Variants in NBEA observed in about 807,000 individuals in gnomAD.
The protein encoded by NBEA is lysosomal-trafficking regulator 2.
A neutral mutation model predicts 343.4 loss-of-function variants in NBEA; 44 were observed. That is an observed-to-expected ratio of 0.13 (90% CI 0.10 to 0.16). NBEA has a LOEUF of 0.16. Ranked by LOEUF, NBEA falls within the 10% of genes least tolerant of loss-of-function variation. The pLI, the probability that NBEA is intolerant of heterozygous loss-of-function variation, is 1.00. For synonymous variants in NBEA, 1,175 were observed against 1,238.7 expected, an observed-to-expected ratio of 0.95 and a Z score of 1.08; for missense variants, 2,555 against 3,631.3, an observed-to-expected ratio of 0.70 and a Z score of 7.62.
chr13:35,244,636 T>G (rs2030898460), intron 34 of NBEA, among the ~76,000 whole-genome samples: 1 of 152,096 alleles, frequency 6.6e-6, no homozygotes. Context: ...GATTGTTTTT[T>G]CTAGTTCCGT....
rs140114697 is a variant in NBEA at position 35,487,271 on chromosome 13, T to G, written c.6585+14735T>G. On this transcript the variant is annotated intron_variant, in intron 41 of 58. Coordinates refer to ENST00000379939, the MANE Select transcript of NBEA (RefSeq NM_001385012.1). ...ATATTATTATATAAAGACTATTTTA[T>G]GTACTGATTAGTAGAATTATATTAG... Among the ~76,000 whole-genome samples, 345 of 152,098 alleles carry G rather than the reference T, an allele frequency of 2.3e-3. 2 individuals carry two copies. The highest frequency in any genetic ancestry group is 5.1e-3 in the African/African-American group (212 of 41,528).
intron 11 of NBEA, among the ~76,000 whole-genome samples, chr13:35,106,223 T>C (rs1443124353): frequency 6.6e-6 from 1 of 151,992 alleles, no homozygotes; most frequent in Non-Finnish European, 1.5e-5. Context: ...TACAGATTTA[T>C]AACTATAAAT....
intron 33 of NBEA, among the ~76,000 whole-genome samples, chr13:35,217,764 T>A (rs1049910466): frequency 6.6e-6 from 1 of 152,074 alleles, no homozygotes; most frequent in African/African-American, 2.4e-5. Flanking sequence ...TTTAATGAGA[T>A]CTCTCCTTTC....
chr13:35,232,570 C>T lies in NBEA; in HGVS notation c.5727C>T (p.Phe1909=). The T allele has an allele frequency of 1.3e-6, 2 of 1,557,918 alleles. No homozygotes were observed. Among genetic ancestry groups the T allele is most frequent in the Non-Finnish European group, 1.7e-6 (2 of 1,148,460 alleles). Residue 1909 remains phenylalanine, a synonymous_variant, in exon 34 of 59, where the codon TTC becomes TTT. Coordinates refer to ENST00000379939, the MANE Select transcript of NBEA (RefSeq NM_001385012.1). ...LREIFVDFAP[F]LSRTLLGSHG... is the part of the protein sequence containing the mutation. ...AAATTTTTGTAGACTTTGCCCCATT[C>T]CTATCTCGTACACTTCTTGGCAGTC... is the stretch of plus-strand genomic sequence containing the variant.
intron 5 of NBEA, among the ~76,000 whole-genome samples, chr13:35,049,007 A>G (rs2062965943): frequency 2.0e-5 from 3 of 151,866 alleles, no homozygotes; most frequent in Admixed American, 2.0e-4. Flanking sequence ...CCTGAAAAAA[A>G]TTCCAAACTT....
chr13:35,465,957 A>T lies in NBEA; in HGVS notation c.6449-6443A>T, dbSNP rs563308456. On this transcript the variant is annotated intron_variant, in intron 40 of 58. Coordinates refer to ENST00000379939, the MANE Select transcript of NBEA (RefSeq NM_001385012.1). ...TCAGTACTTTTTAAAATTATGTATT[A>T]TAAATACATTAAGGTGGGATTTTAG... 3.3e-5 allele frequency among the ~76,000 whole-genome samples: 5 copies of T among 152,218 alleles called. No individual in the cohort carries two copies. In the South Asian group the frequency reaches 1.0e-3, roughly 32 times the overall value.
At position 35,196,265 on chromosome 13, in the gene NBEA, C is replaced by A; in HGVS notation, c.5329C>A (p.Gln1777Lys). The A allele has an allele frequency of 6.2e-7, 1 of 1,613,392 alleles. No homozygotes were observed. The highest frequency in any genetic ancestry group is 8.5e-7 in the Non-Finnish European group (1 of 1,179,598). The change falls in exon 31 of 59, where the codon CAA becomes AAA. Residue 1777 changes from glutamine (Q) to lysine (K), a missense_variant. Around this residue, in one of 21 missense-constraint regions of NBEA, gnomAD observed 270 missense variants for 293.3 expected, o/e 0.92. Coordinates refer to ENST00000379939, the MANE Select transcript of NBEA (RefSeq NM_001385012.1). ...AGATCCAGCATTGAAGAGAGAAACA[C>A]AAGCTATTCTTCCTATGCAGTTTCA... Reference protein sequence around the residue: ...YPDPALKRETQAILPMQFHSF... With the variant: ...YPDPALKRETKAILPMQFHSF...
intron 10 of NBEA, among the ~76,000 whole-genome samples, chr13:35,073,338 C>A (rs188088813): frequency 6.6e-6 from 1 of 152,170 alleles, no homozygotes; most frequent in East Asian, 1.9e-4. Flanking sequence ...GTTTTTAAAT[C>A]TTACAGAGAA....
rs188993949 is a variant in NBEA, at chr13:35,380,143, T to C, written c.6179+27820T>C. Among the ~76,000 whole-genome samples, 357 of 152,216 alleles carry C rather than the reference T, an allele frequency of 2.3e-3. 3 individuals are homozygous for C. Among genetic ancestry groups the C allele is most frequent in the Admixed American group, 0.018 (277 of 15,274 alleles). On this transcript the variant is annotated intron_variant, in intron 38 of 58. Transcript: ENST00000379939. ...TGTATAGGTCATCTGTGATTTCTCTTGGTAATACTTTGTAGTTTTGGCCGG... is the reference window on the plus strand; with the variant it reads ...TGTATAGGTCATCTGTGATTTCTCTCGGTAATACTTTGTAGTTTTGGCCGG...
chr13:35,661,259 G>A (rs919406531), intron 55 of NBEA, among the ~76,000 whole-genome samples: 1 of 152,180 alleles, frequency 6.6e-6, no homozygotes, highest in East Asian at 1.9e-4. Context: ...GGAGGTGGAT[G>A]ATACTATTAG....
intron 16 of NBEA, among the ~76,000 whole-genome samples, chr13:35,119,211 A>G (rs1481771014): frequency 6.6e-6 from 1 of 152,172 alleles, no homozygotes; most frequent in Non-Finnish European, 1.5e-5. Context: ...ACTTAACCCT[A>G]TCATTTAGCT....
chr13:35,310,479 T>C (rs2152833205), intron 36 of NBEA, among the ~76,000 whole-genome samples: 1 of 152,350 alleles, frequency 6.6e-6, no homozygotes, highest in South Asian at 2.1e-4. Flanking sequence ...CACAGCACGC[T>C]TTGCGGGCAT....
chr13:34,948,299 G>A (rs1239648652), intron 1 of NBEA, among the ~76,000 whole-genome samples: 1 of 152,144 alleles, frequency 6.6e-6, no homozygotes, highest in Non-Finnish European at 1.5e-5. Context: ...GTGGTGATTG[G>A]TTCAGGGACA....
In NBEA at chr13:35,320,077, C is replaced by T. The variant is rs533782885; in HGVS notation, c.5903+10485C>T. On this transcript the variant is annotated intron_variant, in intron 36 of 58. Transcript: ENST00000379939. ...GCCAGTCTGTGTCTTTTAATTGGGGCATTTAGCCCATTTAACATTTAAGGT... is the reference window on the plus strand; with the variant it reads ...GCCAGTCTGTGTCTTTTAATTGGGGTATTTAGCCCATTTAACATTTAAGGT... 4.6e-5 allele frequency among the ~76,000 whole-genome samples: 7 copies of T among 152,236 alleles called. No homozygotes were observed. In the East Asian group the frequency reaches 9.7e-4, roughly 21 times the overall value.
chr13:35,202,718 T>C (rs1325009654), intron 31 of NBEA, among the ~76,000 whole-genome samples: 1 of 152,146 alleles, frequency 6.6e-6, no homozygotes, highest in African/African-American at 2.4e-5. Flanking sequence ...ATTTATATCT[T>C]AGTTTGAACC....
chr13:35,228,825 T>G (rs2074813175), intron 33 of NBEA, among the ~76,000 whole-genome samples: 1 of 152,126 alleles, frequency 6.6e-6, no homozygotes, highest in Non-Finnish European at 1.5e-5. Context: ...GAGAATAGAA[T>G]GAGTGGCTTG....
At chr13:35,139,583 T>G (rs985721365) in intron 17 of NBEA, among the ~76,000 whole-genome samples, 3 of 151,948 alleles carry the variant, frequency 2.0e-5, no homozygotes, top group Non-Finnish European at 2.9e-5. Context: ...CTCTAGATCT[T>G]AAAGGTAATT....
chr13:35,494,747 G>A (rs932593083), intron 41 of NBEA, among the ~76,000 whole-genome samples: 2 of 151,928 alleles, frequency 1.3e-5, no homozygotes, highest in Non-Finnish European at 2.9e-5. Flanking sequence ...AGGTGCAGTG[G>A]CTCCGTAATT....
At chr13:35,661,290 G>C (rs140497400) in intron 55 of NBEA, among the ~76,000 whole-genome samples, 325 of 152,282 alleles carry the variant, frequency 2.1e-3, no homozygotes, top group African/African-American at 7.6e-3. Context: ...GTGAGCGTAG[G>C]ACAGTAATGT....
Sources: allele counts gnomAD v4.1 joint callset (sites outside exome capture counted in the v4.1 genomes callset), GRCh38; gene constraint gnomAD v4.1.1; regional missense constraint gnomAD v4.1.1; transcripts MANE v1.5; gene names NCBI Gene and HGNC (gene_info 2026-07-23, HGNC 2026-07-21).